The following DYNC2I1 variants were observed in gnomAD, a reference collection of about 807,000 sequenced individuals.
DYNC2I1 encodes dynein 2 intermediate chain 1.
In DYNC2I1, 89 loss-of-function variants were observed where a neutral mutation model predicts 133.4. The observed-to-expected ratio is 0.67, with a 90% CI of 0.56 to 0.80. DYNC2I1 has a LOEUF of 0.80. DYNC2I1 is among the 30% of genes least tolerant of loss of function. DYNC2I1 has a pLI of 0.00. For synonymous variants in DYNC2I1, 504 were observed against 484.3 expected (o/e 1.04, Z -0.54); for missense variants, 1,291 against 1,314.5 (o/e 0.98, Z 0.28).
chr7:158,958,232 C>T (rs182923096), downstream of DYNC2I1, among the ~76,000 whole-genome samples: 7 of 152,358 alleles, frequency 4.6e-5, no homozygotes, highest in Admixed American at 2.6e-4. Context: ...ATGAGGTGCA[C>T]CTTGATTCCA....
Position 158,934,227 on chromosome 7 carries a change from T to C in DYNC2I1, c.2645T>C (p.Met882Thr). 1.9e-6 allele frequency: 3 copies of C among 1,603,576 alleles called. No homozygotes were observed. The highest frequency in any genetic ancestry group is 2.6e-6 in the Non-Finnish European group (3 of 1,176,092). ...DPNHFIIGTDMGLISHGTRQD... is the reference protein window; with the variant it reads ...DPNHFIIGTDTGLISHGTRQD... Reference sequence around the variant, plus strand: ...AATCACTTTATTATTGGCACAGACATGGTGAGTAGTATTTTAAATTTAATC... The same window carrying C: ...AATCACTTTATTATTGGCACAGACACGGTGAGTAGTATTTTAAATTTAATC... Residue 882 changes from methionine (M) to threonine (T), a missense_variant and splice_region_variant, in exon 22 of 25, where the codon ATG (methionine) becomes ACG (threonine). Coordinates refer to ENST00000407559, the MANE Select transcript of DYNC2I1 (RefSeq NM_018051.5).
At chr7:158,882,644 A>G (rs182797033) in intron 5 of DYNC2I1, among the ~76,000 whole-genome samples, 1 of 152,266 alleles carries the variant, frequency 6.6e-6, no homozygotes, top group Admixed American at 6.5e-5. Context: ...AGGCCGAGAC[A>G]GGTGGATCAC....
chr7:158,920,917 G>A (rs1849009674), intron 15 of DYNC2I1, among the ~76,000 whole-genome samples: 1 of 152,036 alleles, frequency 6.6e-6, no homozygotes, highest in African/African-American at 2.4e-5. Flanking sequence ...ACAGCCAGCG[G>A]GTCGTCCTCA....
chr7:158,848,475 G>A, the DYNC2I1 span, among the ~76,000 whole-genome samples: 1 of 152,070 alleles, frequency 6.6e-6, no homozygotes, highest in African/African-American at 2.4e-5. Context: ...AAACATTAGG[G>A]CAATTACCAA....
chr7:158,887,126 A>G, intron 7 of DYNC2I1, 51 bp downstream of exon 7: 1 of 1,561,286 alleles, frequency 6.4e-7, no homozygotes, highest in South Asian at 1.1e-5. Flanking sequence ...CATTGAGATT[A>G]ACCATAATCT....
At chr7:158,892,303 C>T (rs556265169) in intron 8 of DYNC2I1, among the ~76,000 whole-genome samples, 19 of 151,996 alleles carry the variant, frequency 1.3e-4, no homozygotes, top group Admixed American at 4.6e-4. Flanking sequence ...AGTCAGCAGG[C>T]GTTGTATTTA....
chr7:158,915,473 T>G (rs1349027137), intron 14 of DYNC2I1, among the ~76,000 whole-genome samples: 897 of 149,730 alleles, frequency 6.0e-3, no homozygotes, highest in South Asian at 8.4e-3. Flanking sequence ...ACACGCTGGT[T>G]GACATTAAGG....
At chr7:158,895,043 T>G (rs1845635697) in intron 8 of DYNC2I1, among the ~76,000 whole-genome samples, 1 of 152,230 alleles carries the variant, frequency 6.6e-6, no homozygotes, top group Non-Finnish European at 1.5e-5. Flanking sequence ...CTCTGTGTGT[T>G]TTGGATAACA....
chr7:158,856,514 C>T, upstream of DYNC2I1: 3 of 412,172 alleles, frequency 7.3e-6, no homozygotes, highest in Non-Finnish European at 4.1e-6. Flanking sequence ...TCCCCTGCTC[C>T]TGCCTGCCAG....
intron 1 of DYNC2I1, among the ~76,000 whole-genome samples, chr7:158,860,247 C>CA (rs1198164209): frequency 1.3e-5 from 2 of 151,984 alleles, no homozygotes; most frequent in African/African-American, 2.4e-5. Context: ...TTAGTAGAGA[C>CA]ACGGTTTCAC....
chr7:158,901,876 T>C (rs892247931), intron 9 of DYNC2I1, 60 bp downstream of exon 9: 4 of 1,229,064 alleles, frequency 3.3e-6, no homozygotes, highest in Non-Finnish European at 4.5e-6. Flanking sequence ...AAAAATCAGC[T>C]TATATATAGT....
chr7:158,866,765 A>G (rs187704277), intron 1 of DYNC2I1, among the ~76,000 whole-genome samples: 6 of 151,882 alleles, frequency 4.0e-5, no homozygotes, highest in Non-Finnish European at 8.8e-5. Context: ...GGCGCCTGTA[A>G]TCCCAGCTAC....
chr7:158,957,183 A>G (rs1373615898), downstream of DYNC2I1, among the ~76,000 whole-genome samples: 1 of 152,218 alleles, frequency 6.6e-6, no homozygotes, highest in African/African-American at 2.4e-5. Flanking sequence ...GTAAATAGAC[A>G]TCCAAAATGC....
chr7:158,882,354 T>C (rs1844119928), intron 5 of DYNC2I1, among the ~76,000 whole-genome samples: 1 of 151,646 alleles, frequency 6.6e-6, no homozygotes, highest in Non-Finnish European at 1.5e-5. Context: ...GAGGCTGAGG[T>C]TGGAGGATCT....
chr7:158,921,970 A>C (rs546625451), intron 15 of DYNC2I1, among the ~76,000 whole-genome samples: 3 of 152,232 alleles, frequency 2.0e-5, no homozygotes, highest in African/African-American at 7.2e-5. Flanking sequence ...TGAGGAGAGC[A>C]GTGTGCCACG....
At chr7:158,917,391 C>G (rs1848543070) in intron 14 of DYNC2I1, among the ~76,000 whole-genome samples, 1 of 139,222 alleles carries the variant, frequency 7.2e-6, no homozygotes, top group Non-Finnish European at 1.5e-5. Flanking sequence ...ACTCCACCCT[C>G]TGCCTCTCAC....
chr7:158,885,295 C>T (rs993366127), intron 6 of DYNC2I1, among the ~76,000 whole-genome samples: 14 of 151,852 alleles, frequency 9.2e-5, no homozygotes, highest in Middle Eastern at 3.4e-3. Context: ...GATGATAATT[C>T]CTGTCTCGTG....
upstream of DYNC2I1, among the ~76,000 whole-genome samples, chr7:158,854,027 G>T (rs932033519): frequency 6.6e-6 from 1 of 150,732 alleles, no homozygotes; most frequent in Non-Finnish European, 1.5e-5. Context: ...TAGTGGGTGG[G>T]GGGGCGTTGA....
chr7:158,891,870 GA>G (rs1204379888), intron 8 of DYNC2I1, among the ~76,000 whole-genome samples: 45 of 114,638 alleles, frequency 3.9e-4, no homozygotes, highest in African/African-American at 1.3e-3. Flanking sequence ...AAGAATTGCG[GA>G]CGGGGCCTCT....
Sources: allele counts gnomAD v4.1 joint callset (sites outside exome capture counted in the v4.1 genomes callset), GRCh38; gene constraint gnomAD v4.1.1; transcripts MANE v1.5; gene names NCBI Gene and HGNC (gene_info 2026-07-23, HGNC 2026-07-21).